Variants in CPSF3 observed in about 807,000 individuals in gnomAD.
The protein encoded by CPSF3 is cleavage and polyadenylation specific factor 3, also known as cleavage and polyadenylation specificity factor subunit 3.
Under a neutral mutation model 84.1 loss-of-function variants are expected in CPSF3, and 57 were observed. That is an observed-to-expected ratio of 0.68 (90% CI 0.55 to 0.85). The LOEUF is 0.85. Ranked by LOEUF, CPSF3 falls within the 40% of genes least tolerant of loss-of-function variation. The pLI is 0.00. For synonymous variants in CPSF3, 275 were observed against 278.1 expected, an observed-to-expected ratio of 0.99 and a Z score of 0.11; for missense variants, 522 against 838.8, an observed-to-expected ratio of 0.62 and a Z score of 4.66.
intron 11 of CPSF3, among the ~76,000 whole-genome samples, chr2:9,451,184 T>C (rs576642773): frequency 4.6e-5 from 7 of 152,230 alleles, no homozygotes; most frequent in Non-Finnish European, 5.9e-5. Context: ...TTTAATGATT[T>C]AAAATCATTA....
At chr2:9,460,070 G>A (rs955419628) in intron 15 of CPSF3, among the ~76,000 whole-genome samples, 5 of 152,074 alleles carry the variant, frequency 3.3e-5, no homozygotes, top group Admixed American at 3.3e-4. Context: ...ACACAGCAAT[G>A]CATGTTGTTA....
chr2:9,444,155 TATA>T lies in CPSF3; in HGVS notation c.1242+495_1242+497del, dbSNP rs199695969. Among the ~76,000 whole-genome samples, 1,125 of 140,612 alleles carry T rather than the reference TATA, an allele frequency of 8.0e-3. 14 individuals carry two copies. The highest frequency in any genetic ancestry group is 0.026 in the African/African-American group (944 of 36,670). 92.2% of individuals were successfully genotyped at this position (140,612 alleles called of 152,430 possible). ...AATATATATATTATATATATATATA[TATA>T]TTTTTTTTTTTTTTGAGGCGGAGTC... On this transcript the variant is annotated intron_variant, in intron 10 of 17. Coordinates refer to ENST00000238112, the MANE Select transcript of CPSF3 (RefSeq NM_016207.4).
chr2:9,430,165 TC>T (rs1680531087), intron 3 of CPSF3, 145 bp downstream of exon 3: 1 of 555,882 alleles, frequency 1.8e-6, no homozygotes, highest in African/African-American at 2.0e-5. Context: ...AAACCAACAC[TC>T]CGTAATGTCA....
intron 4 of CPSF3, among the ~76,000 whole-genome samples, chr2:9,431,808 C>T (rs6733615): frequency 0.56 from 84,299 of 151,322 alleles, 24,459 homozygotes; most frequent in Middle Eastern, 0.69. Context: ...GTCTTGGCCT[C>T]CCAGAGTGCT....
chr2:9,452,754 A>G (rs559599477), intron 11 of CPSF3, among the ~76,000 whole-genome samples, 159 bp from the exon 12 acceptor site: 1 of 152,334 alleles, frequency 6.6e-6, no homozygotes, highest in South Asian at 2.1e-4. Flanking sequence ...TGCCCTCATC[A>G]TAGAGATATC....
chr2:9,466,047 T>C (rs144322530), intron 15 of CPSF3, among the ~76,000 whole-genome samples: 2 of 152,304 alleles, frequency 1.3e-5, no homozygotes, highest in Non-Finnish European at 2.9e-5. Context: ...TTAAAACATT[T>C]ACATCACACC....
At chr2:9,452,877 C>A in intron 11 of CPSF3, 36 bp from the exon 12 acceptor site, 1 of 1,401,558 alleles carries the variant, frequency 7.1e-7, no homozygotes, top group South Asian at 1.3e-5. Context: ...TGCATTTTAC[C>A]AGGTTCTATT....
At chr2:9,436,088 C>T (rs866634203) in intron 6 of CPSF3, 123 bp from the exon 7 acceptor site, 11 of 795,904 alleles carry the variant, frequency 1.4e-5, no homozygotes, top group South Asian at 2.3e-5. Context: ...AACACATGTT[C>T]GAGTAAATGA....
chr2:9,466,359 C>G (rs1183947417), intron 15 of CPSF3, among the ~76,000 whole-genome samples: 3 of 149,696 alleles, frequency 2.0e-5, no homozygotes, highest in Non-Finnish European at 4.5e-5. Flanking sequence ...CGCGCACACA[C>G]ACACGCACAC....
intron 15 of CPSF3, among the ~76,000 whole-genome samples, chr2:9,465,490 C>T (rs549758164): frequency 6.6e-6 from 1 of 152,032 alleles, no homozygotes; most frequent in South Asian, 2.1e-4. Context: ...ATTATATTTT[C>T]CTGTTTATAG....
intron 10 of CPSF3, among the ~76,000 whole-genome samples, chr2:9,447,204 G>A (rs1185708888): frequency 1.3e-5 from 2 of 152,204 alleles, no homozygotes; most frequent in Non-Finnish European, 1.5e-5. Flanking sequence ...ATTAGGATAG[G>A]TACAGTGGCT....
Position 9,459,568 on chromosome 2 carries a change from C to T in CPSF3, c.1736C>T (p.Thr579Ile). 2 of 1,520,774 alleles carry T rather than the reference C, an allele frequency of 1.3e-6. No individual in the cohort carries two copies. Among genetic ancestry groups the T allele is most frequent in the African/African-American group, 1.4e-5 (1 of 69,420 alleles). The allele number at this position is 1,520,774 out of a possible 1,614,324, so 94.2% of individuals were successfully genotyped here. Reference sequence around the variant, plus strand: ...CCTTCTAATGATATGTATGCAGATACAGTAACAACTGTGATATTGGAAGTT... The same window carrying T: ...CCTTCTAATGATATGTATGCAGATATAGTAACAACTGTGATATTGGAAGTT... Reference protein sequence around the residue: ...ANPSNDMYADTVTTVILEVQS... With the variant: ...ANPSNDMYADIVTTVILEVQS... Residue 579 changes from threonine to isoleucine, a missense_variant, in exon 15 of 18, where the codon ACA becomes ATA. Coordinates refer to ENST00000238112, the MANE Select transcript of CPSF3 (RefSeq NM_016207.4).
At chr2:9,450,586 G>A (rs1199627559) in intron 11 of CPSF3, among the ~76,000 whole-genome samples, 1 of 151,830 alleles carries the variant, frequency 6.6e-6, no homozygotes, top group African/African-American at 2.4e-5. Flanking sequence ...TCAGGAGTTC[G>A]AGACCAGCCT....
Position 9,430,733 on chromosome 2 carries a change from C to A in CPSF3, c.213-19C>A. ...TGGATAATAATTTTAAGAATTAATG[C>A]AGCCTCTTTCTTTTTAAGTTTCCAT... On this transcript the variant is annotated intron_variant, in intron 3 of 17. Coordinates refer to ENST00000238112, the MANE Select transcript of CPSF3 (RefSeq NM_016207.4). 1.3e-6 allele frequency: 2 copies of A among 1,593,312 alleles called. No individual in the cohort carries two copies. Among genetic ancestry groups the A allele is most frequent in the Non-Finnish European group, 1.7e-6 (2 of 1,173,314 alleles).
rs1364854957 is a variant in CPSF3, at chr2:9,472,982, C to G, written c.2020C>G (p.Gln674Glu). ...SLREMVELAA[Q>E]RLYEALTPVH The stretch of plus-strand genomic sequence containing the variant: ...CCGAGAAATGGTGGAGCTGGCTGCA[C>G]AGAGACTGTACGAGGCCCTGACGCC... The change falls in exon 18 of 18, where the codon CAG becomes GAG. Residue 674 changes from glutamine to glutamate, a missense_variant. Physicochemically the swap from Gln to Glu is conservative, Grantham distance 29 (BLOSUM62 2). Coordinates refer to ENST00000238112, the MANE Select transcript of CPSF3 (RefSeq NM_016207.4). 1 of 1,613,812 alleles carries G rather than the reference C, an allele frequency of 6.2e-7. No individual in the cohort carries two copies. The highest frequency in any genetic ancestry group is 1.1e-5 in the South Asian group (1 of 91,056).
intron 16 of CPSF3, among the ~76,000 whole-genome samples, chr2:9,468,823 T>C (rs1326667612): frequency 1.3e-5 from 2 of 151,954 alleles, no homozygotes; most frequent in Non-Finnish European, 2.9e-5. Context: ...GGACAGGGTT[T>C]CACCATATTG....
chr2:9,429,829 A>G, intron 2 of CPSF3, 94 bp from the exon 3 acceptor site: 1 of 794,288 alleles, frequency 1.3e-6, no homozygotes. Flanking sequence ...CATCTTGAGT[A>G]TATGGGTGAT....
At chr2:9,448,115 T>C (rs1681187612) in intron 10 of CPSF3, 83 bp from the exon 11 acceptor site, 1 of 700,158 alleles carries the variant, frequency 1.4e-6, no homozygotes, top group Non-Finnish European at 2.2e-6. Flanking sequence ...ATTAAATATA[T>C]TTCATATATT....
Position 9,440,485 on chromosome 2 carries a change from C to G in CPSF3, c.761-6C>G. Reference sequence around the variant, plus strand: ...GTGATGTTTGTTTCTTGCAAAATCTCTCTAGATGAGTACTGGCAGAATCAC... The same window carrying G: ...GTGATGTTTGTTTCTTGCAAAATCTGTCTAGATGAGTACTGGCAGAATCAC... On this transcript the variant is annotated splice_region_variant and splice_polypyrimidine_tract_variant and intron_variant, in intron 7 of 17. Coordinates refer to ENST00000238112, the MANE Select transcript of CPSF3 (RefSeq NM_016207.4). 6.2e-7 allele frequency: 1 copy of G among 1,610,452 alleles called. No individual in the cohort carries two copies. The highest frequency in any genetic ancestry group is 1.3e-5 in the African/African-American group (1 of 74,996).
Sources: gnomAD v4.1 joint callset for allele counts (sites outside exome capture counted in the v4.1 genomes callset) on GRCh38, gnomAD v4.1.1 for gene constraint, MANE v1.5 for transcripts, NCBI Gene and HGNC (gene_info 2026-07-23, HGNC 2026-07-21) for gene names.